HNRNPUL2: variants seen among roughly 807,000 people sequenced by gnomAD.
HNRNPUL2 encodes the protein heterogeneous nuclear ribonucleoprotein U like 2, also known as heterogeneous nuclear ribonucleoprotein U-like protein 2.
Under a neutral mutation model 102.2 loss-of-function variants are expected in HNRNPUL2, and 27 were observed. That is an observed-to-expected ratio of 0.26 (90% CI 0.19 to 0.36). HNRNPUL2 has a LOEUF of 0.36. HNRNPUL2 is among the 10% of genes least tolerant of loss of function. HNRNPUL2 has a pLI of 1.00. For synonymous variants in HNRNPUL2, 458 were observed against 387.2 expected (o/e 1.18, Z -2.15); for missense variants, 936 against 981.1 (o/e 0.95, Z 0.61).
rs2083764109 is a variant in HNRNPUL2, at chr11:62,727,257, A to C, written c.-101T>G. 1.0e-4 allele frequency: 117 copies of C among 1,163,180 alleles called. No homozygotes were observed. Among genetic ancestry groups the C allele is most frequent in the East Asian group, 1.8e-4 (5 of 27,544 alleles). 72.1% of individuals were successfully genotyped at this position (1,163,180 alleles called of 1,614,324 possible). A position where few individuals can be genotyped will look rare whatever the true frequency, so the allele number is the denominator to read the frequency against. ...CGCCGCCGCCGCCCGCCTCCGCCTC[A>C]CGCGCCAGCACTGAGCCCGCGCGAG... On this transcript the variant is annotated 5_prime_UTR_variant, in exon 1 of 14. Coordinates refer to ENST00000301785, the MANE Select transcript of HNRNPUL2 (RefSeq NM_001079559.3).
In HNRNPUL2 at chr11:62,716,857, A is replaced by G. The variant is rs1256803804; in HGVS notation, c.1981+132T>C. The G allele has an allele frequency of 2.1e-5, 16 of 754,628 alleles. No homozygotes were observed. In the African/African-American group the frequency reaches 2.3e-4, roughly 11 times the overall value. The allele number at this position is 754,628 out of a possible 1,614,324, so 46.7% of individuals were successfully genotyped here. Reference sequence around the variant, plus strand: ...GGGATAAAGAACACAGGAAGAAATAAGCTCCATGAAGAAGGCACTTCCGTA... The same window carrying G: ...GGGATAAAGAACACAGGAAGAAATAGGCTCCATGAAGAAGGCACTTCCGTA... On this transcript the variant is annotated intron_variant, in intron 11 of 13. Transcript: ENST00000301785.
chr11:62,717,085 C>T lies in HNRNPUL2; in HGVS notation c.1885G>A (p.Ala629Thr). ...QPIVTKYKEE[A>T]RKLLPPSEKR... ...TCGGAGGGGGGCAGAAGCTTCCTTG[C>T]CTCCTCCTTGTACTTAGTGACAATG... The change falls in exon 11 of 14, where the codon GCA becomes ACA. Residue 629 changes from alanine (A) to threonine (T), a missense_variant. Physicochemically the swap from Ala to Thr is moderately conservative, Grantham distance 58 (BLOSUM62 0). Around this residue, in one of 2 missense-constraint regions of HNRNPUL2, gnomAD observed 609 missense variants for 713.0 expected, o/e 0.85. Transcript: ENST00000301785. The T allele has an allele frequency of 6.2e-7, 1 of 1,614,154 alleles. No homozygotes were observed.
At chr11:62,726,482 G>C in intron 1 of HNRNPUL2, 137 bp downstream of exon 1, 1 of 865,874 alleles carries the variant, frequency 1.2e-6, no homozygotes, top group Non-Finnish European at 1.7e-6. Flanking sequence ...AAGGTGGGTA[G>C]AGAATGAAAG....
chr11:62,727,099 G>A lies in HNRNPUL2; in HGVS notation c.58C>T (p.Leu20=), dbSNP rs1355956072. Residue 20 remains leucine, a synonymous_variant, in exon 1 of 14, where the codon CTG becomes TTG. Coordinates refer to ENST00000301785, the MANE Select transcript of HNRNPUL2 (RefSeq NM_001079559.3). ...ELRSELQRRG[L]DSRGLKVDLA... is the part of the protein sequence containing the mutation. ...TCCACCTTGAGGCCGCGCGAGTCCA[G>A]GCCCCGCCGCTGCAGCTCCGACCGC... The A allele has an allele frequency of 7.6e-6, 11 of 1,448,090 alleles. No homozygotes were observed. Among genetic ancestry groups the A allele is most frequent in the South Asian group, 1.3e-5 (1 of 75,856 alleles). The allele number at this position is 1,448,090 out of a possible 1,614,324, so 89.7% of individuals were successfully genotyped here. A position where few individuals can be genotyped will look rare whatever the true frequency, so the allele number is the denominator to read the frequency against.
At chr11:62,721,103 T>C (rs1194713290) in intron 9 of HNRNPUL2, among the ~76,000 whole-genome samples, 192 bp downstream of exon 9, 3 of 152,180 alleles carry the variant, frequency 2.0e-5, no homozygotes, top group Admixed American at 2.0e-4. Context: ...CTTTATTACA[T>C]GTTTTATAGC....
Position 62,720,169 on chromosome 11 carries a change from T to C in HNRNPUL2, c.1634A>G (p.Gln545Arg). Residue 545 changes from glutamine (Q) to arginine (R), a missense_variant, in exon 10 of 14, where the codon CAA (glutamine) becomes CGA (arginine). Transcript: ENST00000301785. ...LDQCNVYNSG[Q>R]RRKLLLFKTF... Reference sequence around the variant, plus strand: ...CTTGAACAGCAATAGCTTCCGCCGTTGGCCAGAATTGTACACATTACACTA... The same window carrying C: ...CTTGAACAGCAATAGCTTCCGCCGTCGGCCAGAATTGTACACATTACACTA... 1.2e-6 allele frequency: 2 copies of C among 1,614,108 alleles called. No individual in the cohort carries two copies. Among genetic ancestry groups the C allele is most frequent in the South Asian group, 2.2e-5 (2 of 91,086 alleles).
Position 62,727,016 on chromosome 11 carries a change from G to A in HNRNPUL2, c.141C>T (p.Gly47=). ...LDAEMLEDEA[G]GGGAGPGGAC... Reference sequence around the variant, plus strand: ...CCCCGCCGGGCCCGGCCCCGCCGCCGCCGGCCTCGTCCTCGAGCATCTCGG... The same window carrying A: ...CCCCGCCGGGCCCGGCCCCGCCGCCACCGGCCTCGTCCTCGAGCATCTCGG... The change falls in exon 1 of 14, where the codon GGC becomes GGT. Residue 47 remains glycine (G), a synonymous_variant. Coordinates refer to ENST00000301785, the MANE Select transcript of HNRNPUL2 (RefSeq NM_001079559.3). 2.2e-6 allele frequency: 3 copies of A among 1,371,778 alleles called. No homozygotes were observed. Among genetic ancestry groups the A allele is most frequent in the Non-Finnish European group, 1.9e-6 (2 of 1,062,990 alleles). The allele number at this position is 1,371,778 out of a possible 1,614,324, so 85.0% of individuals were successfully genotyped here.
At position 62,721,958 on chromosome 11, in the gene HNRNPUL2, C is replaced by T; in HGVS notation, c.1360-16G>A. 6.2e-7 allele frequency: 1 copy of T among 1,612,524 alleles called. No individual in the cohort carries two copies. The highest frequency in any genetic ancestry group is 1.3e-5 in the African/African-American group (1 of 74,842). On this transcript the variant is annotated splice_polypyrimidine_tract_variant and intron_variant, in intron 7 of 13. Transcript: ENST00000301785. ...TCAGAATCACCTGCAAAAAACAGAA[C>T]CAGAAATATAATGAAAAATAAATGA...
intron 3 of HNRNPUL2, 71 bp downstream of exon 3, chr11:62,723,843 T>A: frequency 1.2e-6 from 2 of 1,600,250 alleles, no homozygotes; most frequent in Non-Finnish European, 1.7e-6. Flanking sequence ...TTATAGGCTA[T>A]GAAGTTTTAA....
intron 9 of HNRNPUL2, among the ~76,000 whole-genome samples, chr11:62,720,412 G>A (rs558171975): frequency 6.6e-6 from 1 of 152,112 alleles, no homozygotes; most frequent in African/African-American, 2.4e-5. Flanking sequence ...CGGCATGATG[G>A]TGGGTGCTGT....
intron 9 of HNRNPUL2, among the ~76,000 whole-genome samples, chr11:62,720,855 C>T (rs1292977664): frequency 4.3e-5 from 4 of 93,704 alleles, no homozygotes; most frequent in African/African-American, 1.7e-4. Flanking sequence ...CAGAGCGAGA[C>T]TCGGTCTCAA....
intron 10 of HNRNPUL2, among the ~76,000 whole-genome samples, chr11:62,718,249 A>G (rs986658364): frequency 2.6e-4 from 39 of 152,160 alleles, no homozygotes; most frequent in Admixed American, 2.5e-3. Flanking sequence ...CAAAATATTA[A>G]TATTTCTTAT....
Position 62,727,325 on chromosome 11 carries a change from T to G in HNRNPUL2, c.-169A>C. 2 of 846,388 alleles carry G rather than the reference T, an allele frequency of 2.4e-6. No individual in the cohort carries two copies. Among genetic ancestry groups the G allele is most frequent in the East Asian group, 3.9e-5 (1 of 25,972 alleles). The allele number at this position is 846,388 out of a possible 1,614,324, so 52.4% of individuals were successfully genotyped here. On this transcript the variant is annotated 5_prime_UTR_variant, in exon 1 of 14. Transcript: ENST00000301785. ...GAGCGGAGGCCGCGCACGGTCCCGC[T>G]GCGCAGTGTTTGCTTCTCCTTCGTC...
chr11:62,717,279 T>G, intron 10 of HNRNPUL2, 90 bp from the exon 11 acceptor site: 1 of 940,968 alleles, frequency 1.1e-6, no homozygotes, highest in Non-Finnish European at 1.6e-6. Context: ...GCATATGACT[T>G]TCTATGCCTC....
At chr11:62,718,333 C>T (rs1006780094) in intron 10 of HNRNPUL2, among the ~76,000 whole-genome samples, 1 of 152,058 alleles carries the variant, frequency 6.6e-6, no homozygotes, top group African/African-American at 2.4e-5. Context: ...ACAAACATAA[C>T]GTGATACCAG....
chr11:62,722,076 C>A (rs773747391), intron 7 of HNRNPUL2, 41 bp downstream of exon 7: 1 of 1,605,226 alleles, frequency 6.2e-7, no homozygotes, highest in Non-Finnish European at 8.5e-7. Flanking sequence ...CCCACCTCTG[C>A]AAAGCATACA....
chr11:62,721,252 A>G (rs1444032164), intron 9 of HNRNPUL2, 43 bp downstream of exon 9: 9 of 1,558,442 alleles, frequency 5.8e-6, no homozygotes, highest in Non-Finnish European at 7.8e-6. Flanking sequence ...CTCTTTATAT[A>G]CACATCCCAC....
intron 10 of HNRNPUL2, among the ~76,000 whole-genome samples, chr11:62,718,527 CCT>C (rs2083676879): frequency 6.6e-6 from 1 of 151,732 alleles, no homozygotes. Context: ...ATGGCGAAAC[CCT>C]GTCTCTACTA....
chr11:62,724,104 C>A, intron 2 of HNRNPUL2, 114 bp from the exon 3 acceptor site: 1 of 1,181,316 alleles, frequency 8.5e-7, no homozygotes, highest in Non-Finnish European at 1.2e-6. Flanking sequence ...CAAATCCCAG[C>A]AGACAGCTTT....
Sources: allele counts gnomAD v4.1 joint callset (sites outside exome capture counted in the v4.1 genomes callset), GRCh38; gene constraint gnomAD v4.1.1; regional missense constraint gnomAD v4.1.1; transcripts MANE v1.5; gene names NCBI Gene and HGNC (gene_info 2026-07-23, HGNC 2026-07-21).